GRHL2: variants seen among roughly 807,000 people sequenced by gnomAD.
GRHL2 encodes grainyhead-like protein 2 homolog.
Under a neutral mutation model 83.8 loss-of-function variants are expected in GRHL2, and 21 were observed. The ratio of observed to expected loss-of-function variants is 0.25; its 90% CI spans 0.18 to 0.36. The LOEUF (loss-of-function observed/expected upper bound fraction) is 0.36. GRHL2 is among the 10% of genes least tolerant of loss of function. The probability of loss-of-function intolerance (pLI) is 1.00; values close to 1 mark genes in which losing one functional copy is unlikely to be tolerated. For synonymous variants in GRHL2, 280 were observed against 278.9 expected (o/e 1.00, Z -0.04); for missense variants, 623 against 781.8 (o/e 0.80, Z 2.42).
chr8:101,599,526 G>C (rs1812466990), intron 8 of GRHL2, among the ~76,000 whole-genome samples: 1 of 152,176 alleles, frequency 6.6e-6, no homozygotes, highest in South Asian at 2.1e-4. Context: ...TAAGCTACTG[G>C]GTAGACCCCT....
intron 1 of GRHL2, among the ~76,000 whole-genome samples, chr8:101,508,119 A>G (rs1173974727): frequency 2.6e-5 from 4 of 152,104 alleles, no homozygotes; most frequent in Admixed American, 2.0e-4. Flanking sequence ...AATTTTGCAC[A>G]CTTCTTAGTT....
At chr8:101,653,192 C>T (rs1813708806) in intron 14 of GRHL2, among the ~76,000 whole-genome samples, 1 of 152,210 alleles carries the variant, frequency 6.6e-6, no homozygotes, top group African/African-American at 2.4e-5. Context: ...GGCAATGTGA[C>T]CCTGGCCCCC....
chr8:101,623,735 A>G (rs549475973), intron 9 of GRHL2, among the ~76,000 whole-genome samples: 2 of 152,286 alleles, frequency 1.3e-5, no homozygotes, highest in African/African-American at 4.8e-5. Context: ...ACAGTAAAAC[A>G]GTTCACAGTA....
chr8:101,548,712 A>G (rs1811316180), intron 2 of GRHL2, among the ~76,000 whole-genome samples: 1 of 152,212 alleles, frequency 6.6e-6, no homozygotes, highest in Admixed American at 6.5e-5. Context: ...TTATCTAAAG[A>G]TGGTTTGTAA....
chr8:101,566,095 T>G (rs1307011992), intron 4 of GRHL2, among the ~76,000 whole-genome samples: 1 of 152,210 alleles, frequency 6.6e-6, no homozygotes, highest in Non-Finnish European at 1.5e-5. Context: ...TCTACTACAT[T>G]GGAACATGGC....
At chr8:101,601,210 C>CA (rs1812507520) in intron 8 of GRHL2, among the ~76,000 whole-genome samples, 2 of 151,652 alleles carry the variant, frequency 1.3e-5, no homozygotes, top group East Asian at 1.9e-4. Flanking sequence ...CCACCACCAC[C>CA]ACCACCAACA....
intron 1 of GRHL2, among the ~76,000 whole-genome samples, chr8:101,516,012 C>G (rs547062597): frequency 6.6e-6 from 1 of 152,124 alleles, no homozygotes; most frequent in Non-Finnish European, 1.5e-5. Context: ...GGCTGACAGG[C>G]AGCAGAGATG....
At chr8:101,505,747 A>G (rs1466005264) in intron 1 of GRHL2, among the ~76,000 whole-genome samples, 1 of 152,172 alleles carries the variant, frequency 6.6e-6, no homozygotes. Context: ...GAAAAACACA[A>G]ATTTGCATTT....
At chr8:101,680,783 C>T in the GRHL2 span, among the ~76,000 whole-genome samples, 3,464 of 102,140 alleles carry the variant, frequency 0.034, 97 homozygotes, top group East Asian at 0.097. Context: ...CACTCAAAGC[C>T]GCTCAACTAC....
intron 14 of GRHL2, among the ~76,000 whole-genome samples, chr8:101,657,815 G>C (rs1252744801): frequency 6.7e-6 from 1 of 150,026 alleles, no homozygotes; most frequent in Non-Finnish European, 1.5e-5. Flanking sequence ...ACTCTAGCCT[G>C]GGCGACAGAG....
chr8:101,680,031 A>C, the GRHL2 span, among the ~76,000 whole-genome samples: 1 of 119,100 alleles, frequency 8.4e-6, no homozygotes, highest in Non-Finnish European at 1.7e-5. Flanking sequence ...CGAGCAAAAT[A>C]ACCAGCTATC....
chr8:101,636,766 C>CACACT, intron 11 of GRHL2, 131 bp from the exon 12 acceptor site: 1 of 752,232 alleles, frequency 1.3e-6, no homozygotes, highest in Non-Finnish European at 2.4e-6. Flanking sequence ...CACACACACA[C>CACACT]TGTTATTAAA....
In GRHL2 at chr8:101,644,241, G is replaced by A; in HGVS notation, c.1612+16G>A. ...ACAAAGCGAGGTATCTCTCCTGCTG[G>A]GGCATGCCCTCTCAGAAGGGATGCG... On this transcript the variant is annotated intron_variant, in intron 13 of 15. Transcript: ENST00000646743. 1 of 1,601,122 alleles carries A rather than the reference G, an allele frequency of 6.2e-7. No homozygotes were observed. Among genetic ancestry groups the A allele is most frequent in the East Asian group, 2.2e-5 (1 of 44,674 alleles).
At chr8:101,622,834 C>T (rs186938411) in intron 9 of GRHL2, among the ~76,000 whole-genome samples, 13 of 152,284 alleles carry the variant, frequency 8.5e-5, no homozygotes, top group South Asian at 2.1e-4. Flanking sequence ...ATCCCTCAAC[C>T]CCCTCCCACT....
intron 13 of GRHL2, among the ~76,000 whole-genome samples, chr8:101,647,556 T>C (rs747848901): frequency 6.6e-6 from 1 of 152,192 alleles, no homozygotes; most frequent in African/African-American, 2.4e-5. Context: ...CCGCTAACAT[T>C]GAGTCCTCTT....
At chr8:101,565,829 AT>A (rs1267658328) in intron 4 of GRHL2, among the ~76,000 whole-genome samples, 2 of 152,218 alleles carry the variant, frequency 1.3e-5, no homozygotes, top group East Asian at 3.8e-4. Flanking sequence ...TCTACTGTGT[AT>A]TTCATAACTC....
chr8:101,627,907 A>T (rs145663029), intron 9 of GRHL2, among the ~76,000 whole-genome samples: 1 of 152,140 alleles, frequency 6.6e-6, no homozygotes, highest in Non-Finnish European at 1.5e-5. Flanking sequence ...TTTCAACTCT[A>T]TGAAGGCTGA....
Position 101,558,794 on chromosome 8 carries a change from C to A in GRHL2, c.660C>A (p.Phe220Leu). The change falls in exon 4 of 16, where the codon TTC (phenylalanine) becomes TTA (leucine). Residue 220 changes from phenylalanine to leucine, a missense_variant. By Grantham distance (22) the Phe-to-Leu change is conservative (BLOSUM62 0). Around this residue, in one of 8 missense-constraint regions of GRHL2, gnomAD observed 239 missense variants for 240.5 expected, o/e 0.99. Coordinates refer to ENST00000646743, the MANE Select transcript of GRHL2 (RefSeq NM_024915.4). ...STPDSTYSES[F>L]KDAATEKFRS... ...CGGACAGCACATACAGCGAGAGCTT[C>A]AAGGACGCAGCCACAGAGGTGAGTC... 2 of 1,614,106 alleles carry A rather than the reference C, an allele frequency of 1.2e-6. No individual in the cohort carries two copies. The highest frequency in any genetic ancestry group is 8.5e-7 in the Non-Finnish European group (1 of 1,180,002).
At chr8:101,632,159 A>G in intron 10 of GRHL2, 67 bp from the exon 11 acceptor site, 1 of 1,563,038 alleles carries the variant, frequency 6.4e-7, no homozygotes, top group Non-Finnish European at 8.8e-7. Context: ...GGACTTTAGG[A>G]CTTACAGTTG....
Sources: gnomAD v4.1 joint callset for allele counts (sites outside exome capture counted in the v4.1 genomes callset) on GRCh38, gnomAD v4.1.1 for gene constraint, gnomAD v4.1.1 regional missense constraint, MANE v1.5 for transcripts, NCBI Gene and HGNC (gene_info 2026-07-23, HGNC 2026-07-21) for gene names.